NCKAP5: variants seen among roughly 807,000 people sequenced by gnomAD.
The protein encoded by NCKAP5 is NCK associated protein 5.
Under a neutral mutation model 167.0 loss-of-function variants are expected in NCKAP5, and 92 were observed. The observed-to-expected ratio is 0.55, with a 90% CI of 0.47 to 0.66. The LOEUF (loss-of-function observed/expected upper bound fraction) is 0.66, where lower values mean the gene tolerates loss of function less well. Ranked by LOEUF, NCKAP5 falls within the 30% of genes least tolerant of loss-of-function variation. The pLI is 0.00. For synonymous variants in NCKAP5, 891 were observed against 877.4 expected, an observed-to-expected ratio of 1.02 and a Z score of -0.27; for missense variants, 2,378 against 2,315.0, an observed-to-expected ratio of 1.03 and a Z score of -0.56.
chr2:132,875,083 G>A (rs1467784727), intron 9 of NCKAP5, among the ~76,000 whole-genome samples: 1 of 152,092 alleles, frequency 6.6e-6, no homozygotes, highest in Admixed American at 6.5e-5. Context: ...CTACAGCACA[G>A]CATTCAGATA....
At chr2:133,632,817 T>C in the NCKAP5 span, among the ~76,000 whole-genome samples, 1 of 152,258 alleles carries the variant, frequency 6.6e-6, no homozygotes, top group African/African-American at 2.4e-5. Flanking sequence ...GTTAAAGACC[T>C]GCAACTGTGA....
chr2:133,469,712 T>G (rs951911347), intron 3 of NCKAP5, among the ~76,000 whole-genome samples: 3 of 151,794 alleles, frequency 2.0e-5, no homozygotes, highest in African/African-American at 7.3e-5. Context: ...GCTCATTTCT[T>G]TTTATTCTTT....
chr2:133,513,421 G>A (rs1683667543), intron 3 of NCKAP5, among the ~76,000 whole-genome samples: 1 of 152,184 alleles, frequency 6.6e-6, no homozygotes, highest in Non-Finnish European at 1.5e-5. Flanking sequence ...TCTCCCATTG[G>A]CTAAACCCAA....
intron 5 of NCKAP5, among the ~76,000 whole-genome samples, chr2:133,134,712 ACTGAGCCAT>A (rs1372798533): frequency 1.3e-5 from 2 of 152,196 alleles, no homozygotes; most frequent in East Asian, 3.9e-4. Flanking sequence ...CAGAGCTCAA[ACTGAGCCAT>A]CCTCTGATTA....
intron 12 of NCKAP5, among the ~76,000 whole-genome samples, chr2:132,795,376 C>A (rs990681999): frequency 5.3e-5 from 8 of 152,156 alleles, no homozygotes; most frequent in African/African-American, 1.9e-4. Context: ...GTTGATTTAA[C>A]AGGGAAAAAT....
At chr2:132,879,074 G>A (rs1042026573) in intron 8 of NCKAP5, among the ~76,000 whole-genome samples, 158 bp from the exon 9 acceptor site, 6 of 152,032 alleles carry the variant, frequency 3.9e-5, no homozygotes, top group African/African-American at 1.2e-4. Context: ...TATAAATATC[G>A]CAGGGATGAC....
At chr2:133,359,827 A>T (rs1032646852) in intron 3 of NCKAP5, among the ~76,000 whole-genome samples, 1 of 152,232 alleles carries the variant, frequency 6.6e-6, no homozygotes, top group Non-Finnish European at 1.5e-5. Context: ...ATTTTGGAGA[A>T]TCTGTGAAAC....
chr2:133,035,291 A>G (rs1291544136), intron 6 of NCKAP5, among the ~76,000 whole-genome samples: 2 of 152,058 alleles, frequency 1.3e-5, no homozygotes, highest in Non-Finnish European at 2.9e-5. Context: ...AAAGAGAGGA[A>G]TAGGCCCAAT....
chr2:133,050,871 T>C (rs182171694), intron 6 of NCKAP5, among the ~76,000 whole-genome samples: 5 of 152,300 alleles, frequency 3.3e-5, no homozygotes, highest in Admixed American at 2.6e-4. Flanking sequence ...CCTTTCTTTG[T>C]CTCGATTTTA....
intron 8 of NCKAP5, among the ~76,000 whole-genome samples, chr2:132,919,478 CAG>C (rs1427468428): frequency 2.0e-5 from 3 of 152,142 alleles, no homozygotes; most frequent in South Asian, 2.1e-4. Flanking sequence ...CCACCGCTGA[CAG>C]AGAGTCATTC....
chr2:133,526,776 A>G (rs1014830886), intron 2 of NCKAP5, among the ~76,000 whole-genome samples: 2 of 152,176 alleles, frequency 1.3e-5, no homozygotes, highest in African/African-American at 2.4e-5. Context: ...TACATTACAT[A>G]AAACGTCTAC....
chr2:133,354,299 T>A (rs1029954495), intron 3 of NCKAP5, among the ~76,000 whole-genome samples: 20 of 151,798 alleles, frequency 1.3e-4, no homozygotes, highest in Admixed American at 8.5e-4. Flanking sequence ...CTTTCCTTTT[T>A]TTTTTTGAGA....
intron 4 of NCKAP5, among the ~76,000 whole-genome samples, chr2:133,265,379 T>C (rs2089143012): frequency 6.6e-6 from 1 of 151,912 alleles, no homozygotes; most frequent in African/African-American, 2.4e-5. Flanking sequence ...CAGCCCTTTT[T>C]CTCTAAGGGG....
the NCKAP5 span, among the ~76,000 whole-genome samples, chr2:133,641,286 G>A: frequency 6.6e-6 from 1 of 152,044 alleles, no homozygotes; most frequent in South Asian, 2.1e-4. Context: ...CTTCCTTCAG[G>A]CAATAAGAAG....
In NCKAP5 at chr2:133,392,829, T is replaced by C. The variant is rs563324138; in HGVS notation, c.70-89719A>G. ...AATTTAATTCAGCATTGGGAGTATC[T>C]AGCTAACTGTAATATTCCAAGAATG... On this transcript the variant is annotated intron_variant, in intron 3 of 19. Coordinates refer to ENST00000409261, the MANE Select transcript of NCKAP5 (RefSeq NM_207363.3). Among the ~76,000 whole-genome samples the C allele has an allele frequency of 8.5e-5, 13 of 152,322 alleles. No individual in the cohort carries two copies. The South Asian group carries it at 1.7e-3, about 19-fold the overall frequency.
intron 15 of NCKAP5, among the ~76,000 whole-genome samples, chr2:132,780,226 G>A (rs139720539): frequency 3.9e-5 from 6 of 152,062 alleles, no homozygotes; most frequent in African/African-American, 9.6e-5. Context: ...ATCTCGGCTC[G>A]CTGCAAGCTC....
At chr2:133,455,573 T>C (rs913335665) in intron 3 of NCKAP5, among the ~76,000 whole-genome samples, 1 of 152,068 alleles carries the variant, frequency 6.6e-6, no homozygotes, top group Non-Finnish European at 1.5e-5. Flanking sequence ...GTTTCTCCCT[T>C]TTTTCTTTCG....
At chr2:132,950,312 G>T (rs574144669) in intron 8 of NCKAP5, among the ~76,000 whole-genome samples, 1 of 151,990 alleles carries the variant, frequency 6.6e-6, no homozygotes, top group Non-Finnish European at 1.5e-5. Flanking sequence ...TTTATATCTG[G>T]CTGGCATCAA....
intron 11 of NCKAP5, among the ~76,000 whole-genome samples, chr2:132,850,710 T>G (rs1252439291): frequency 6.6e-6 from 1 of 152,114 alleles, no homozygotes; most frequent in Non-Finnish European, 1.5e-5. Flanking sequence ...CTGCTAGAAC[T>G]GCAGGGACTA....
Sources: gnomAD v4.1 joint callset for allele counts (sites outside exome capture counted in the v4.1 genomes callset) on GRCh38, gnomAD v4.1.1 for gene constraint, MANE v1.5 for transcripts, NCBI Gene and HGNC (gene_info 2026-07-23, HGNC 2026-07-21) for gene names.